Variants in SLC7A4 observed in about 807,000 individuals in gnomAD.
The protein encoded by SLC7A4 is solute carrier family 7 member 4.
In SLC7A4, 30 loss-of-function variants were observed where a neutral mutation model predicts 37.8. That is an observed-to-expected ratio of 0.79 (90% CI 0.59 to 1.08). The LOEUF (loss-of-function observed/expected upper bound fraction) is 1.08. Ranked by LOEUF, SLC7A4 falls within the 50% of genes least tolerant of loss-of-function variation. SLC7A4 has a pLI of 0.00. For missense variants in SLC7A4, 839 were observed against 843.2 expected (o/e 1.00, Z 0.06); for synonymous variants, 359 against 376.5 (o/e 0.95, Z 0.54).
At position 21,028,865 on chromosome 22, in the gene SLC7A4, AC is replaced by A; in HGVS notation, c.*189del. 1.8e-6 allele frequency: 1 copy of A among 567,574 alleles called. No homozygotes were observed. Among genetic ancestry groups the A allele is most frequent in the Admixed American group, 3.1e-5 (1 of 31,864 alleles). 35.2% of individuals were successfully genotyped at this position (567,574 alleles called of 1,614,324 possible). A position where few individuals can be genotyped will look rare whatever the true frequency, so the allele number is the denominator to read the frequency against. On this transcript the variant is annotated 3_prime_UTR_variant, in exon 5 of 5. Coordinates refer to ENST00000382932, the MANE Select transcript of SLC7A4 (RefSeq NM_004173.3). ...TCTGGGCAGAGTCCATGGCACCAGC[AC>A]CAGCCAAGGCCCACTCCTGAAGACC...
rs550292389 is a variant in SLC7A4, at chr22:21,032,226, C to T, written c.-41+305G>A. On this transcript the variant is annotated intron_variant, in intron 1 of 4. Transcript: ENST00000382932. ...AAACCGAGGCTTCCCCAGAGTCGAG[C>T]CGGACCCGGAACAGGAGCCGCGGCT... is the stretch of plus-strand genomic sequence containing the variant. Among the ~76,000 whole-genome samples the T allele has an allele frequency of 5.8e-4, 88 of 152,320 alleles. 2 individuals are homozygous for T. In the South Asian group the frequency reaches 0.017, roughly 30 times the overall value.
At position 21,030,060 on chromosome 22, in the gene SLC7A4, G is replaced by A. The variant is rs1244094016; in HGVS notation, c.1274C>T (p.Pro425Leu). The change falls in exon 3 of 5, where the codon CCA (proline) becomes CTA (leucine). Residue 425 changes from proline (P) to leucine (L), a missense_variant. By Grantham distance (98) the Pro-to-Leu change is moderately conservative (BLOSUM62 -3). Coordinates refer to ENST00000382932, the MANE Select transcript of SLC7A4 (RefSeq NM_004173.3). ...CTTGGTCAGGGGGCCAGGGCTGGCT[G>A]GGCCTGGGGAGCTGGGCGGGGAAGA... Reference protein sequence around the residue: ...QKSSPPSSPGPASPGPLTKQQ... With the variant: ...QKSSPPSSPGLASPGPLTKQQ... The A allele has an allele frequency of 1.9e-6, 3 of 1,611,894 alleles. No individual in the cohort carries two copies. The highest frequency in any genetic ancestry group is 1.7e-5 in the Admixed American group (1 of 59,708).
Position 21,031,409 on chromosome 22 carries a change from C to T in SLC7A4, c.404G>A (p.Arg135His), listed in dbSNP as rs377663916. 3.8e-5 allele frequency: 61 copies of T among 1,602,960 alleles called. No individual in the cohort carries two copies. In the African/African-American group the frequency reaches 4.7e-4, roughly 12 times the overall value. Residue 135 changes from arginine to histidine, a missense_variant, in exon 2 of 5, where the codon CGT becomes CAT. Coordinates refer to ENST00000382932, the MANE Select transcript of SLC7A4 (RefSeq NM_004173.3). Reference protein sequence around the residue: ...EYIIGGAAVARAWSGYLDSMF... With the variant: ...EYIIGGAAVAHAWSGYLDSMF... ...AGAGTCCAGGTAGCCACTCCAGGCA[C>T]GGGCCACGGCGGCGCCACCGATGAT...
rs776183418 is a variant in SLC7A4 at position 21,031,108 on chromosome 22, G to A, written c.705C>T (p.Ser235=). 8.1e-6 allele frequency: 13 copies of A among 1,613,844 alleles called. No individual in the cohort carries two copies. The highest frequency in any genetic ancestry group is 3.3e-5 in the South Asian group (3 of 91,078). ...DEGGFAPFGF[S]GVMAGTASCF... ...AGGAGGCAGTGCCGGCCATGACGCCGGAGAAGCCGAAGGGTGCAAAGCCGC... is the reference window on the plus strand; with the variant it reads ...AGGAGGCAGTGCCGGCCATGACGCCAGAGAAGCCGAAGGGTGCAAAGCCGC... Residue 235 remains serine, a synonymous_variant, in exon 2 of 5, where the codon TCC becomes TCT. Transcript: ENST00000382932.
At chr22:21,029,519 G>A in intron 3 of SLC7A4, 75 bp from the exon 4 acceptor site, 1 of 1,293,364 alleles carries the variant, frequency 7.7e-7, no homozygotes. Flanking sequence ...CACTTTCTCG[G>A]GAATCCATAG....
Position 21,031,153 on chromosome 22 carries a change from G to A in SLC7A4, c.660C>T (p.His220=). 1 of 1,613,742 alleles carries A rather than the reference G, an allele frequency of 6.2e-7. No individual in the cohort carries two copies. The highest frequency in any genetic ancestry group is 8.5e-7 in the Non-Finnish European group (1 of 1,179,824). The part of the protein sequence containing the change: ...VILGFILAQP[H]NWSADEGGFA... ...AGCCGCCTTCGTCAGCGCTCCAGTT[G>A]TGAGGCTGGGCCAGGATGAAGCCCA... Residue 220 remains histidine, a synonymous_variant, in exon 2 of 5, where the codon CAC becomes CAT. Transcript: ENST00000382932.
At chr22:21,030,443 C>G in intron 2 of SLC7A4, 92 bp from the exon 3 acceptor site, 1 of 1,310,242 alleles carries the variant, frequency 7.6e-7, no homozygotes, top group South Asian at 1.4e-5. Context: ...TCCTTGGGAA[C>G]AAGGGCATGA....
At position 21,031,248 on chromosome 22, in the gene SLC7A4, G is replaced by A. The variant is rs375764105; in HGVS notation, c.565C>T (p.Arg189Cys). The change falls in exon 2 of 5, where the codon CGC (arginine) becomes TGC (cysteine). Residue 189 changes from arginine to cysteine, a missense_variant. Coordinates refer to ENST00000382932, the MANE Select transcript of SLC7A4 (RefSeq NM_004173.3). The part of the protein sequence containing the change: ...LASAFVSCGA[R>C]VSSWLNHTFS... ...GTGTGATTGAGCCAGGAGGACACGC[G>A]GGCTCCACAGGAGACAAAGGCAGAG... The A allele has an allele frequency of 1.7e-5, 27 of 1,613,284 alleles. No individual in the cohort carries two copies. The highest frequency in any genetic ancestry group is 1.6e-4 in the Middle Eastern group (1 of 6,062).
chr22:21,032,503 C>G (rs916177300), intron 1 of SLC7A4, 28 bp downstream of exon 1: 2 of 153,604 alleles, frequency 1.3e-5, no homozygotes, highest in Non-Finnish European at 2.9e-5. Context: ...TCCCAGTCCC[C>G]GTCCCCGCAG....
At position 21,029,981 on chromosome 22, in the gene SLC7A4, G is replaced by A. The variant is rs191814001; in HGVS notation, c.1353C>T (p.Ser451=). 1.9e-5 allele frequency: 30 copies of A among 1,613,868 alleles called. No homozygotes were observed. The highest frequency in any genetic ancestry group is 5.5e-5 in the South Asian group (5 of 91,074). The stretch of plus-strand genomic sequence containing the variant: ...GCTTCAGCTCCCCTGGCTCAGGGAC[G>A]GAGGCGTGTACAGTGCCCACCAGCT... ...HLQLVGTVHA[S]VPEPGELKPA... is the part of the protein sequence containing the mutation. The change falls in exon 3 of 5, where the codon TCC becomes TCT. Residue 451 remains serine (S), a synonymous_variant. Transcript: ENST00000382932.
rs763978037 is a variant in SLC7A4 at position 21,031,824 on chromosome 22, G to A, written c.-12C>T. On this transcript the variant is annotated 5_prime_UTR_variant, in exon 2 of 5. Transcript: ENST00000382932. ...AGCCCCCGGGCCATGGCAGGTGGCC[G>A]AGAAGAGCACCGAGCCAGCTACTGG... The A allele has an allele frequency of 2.8e-5, 42 of 1,481,632 alleles. No individual in the cohort carries two copies. The highest frequency in any genetic ancestry group is 3.5e-5 in the Non-Finnish European group (39 of 1,122,592). The allele number at this position is 1,481,632 out of a possible 1,614,324, so 91.8% of individuals were successfully genotyped here.
rs371277224 is a variant in SLC7A4 at position 21,029,743 on chromosome 22, G to A, written c.1591C>T (p.His531Tyr). 224 of 1,612,852 alleles carry A rather than the reference G, an allele frequency of 1.4e-4. No individual in the cohort carries two copies. The highest frequency in any genetic ancestry group is 1.8e-4 in the Non-Finnish European group (218 of 1,179,916). The change falls in exon 3 of 5, where the codon CAC becomes TAC. Residue 531 changes from histidine (H) to tyrosine (Y), a missense_variant. His to Tyr is a moderately conservative substitution (Grantham distance 83). Transcript: ENST00000382932. The stretch of plus-strand genomic sequence containing the variant: ...AAGTCTTCCCGATACTGTTGCTGGT[G>A]AGCCCCCAGGACAAGGAGGCTGAGC... ...FLLSLLVLGA[H>Y]QQQYREDLFQ...
Position 21,031,076 on chromosome 22 carries a change from T to C in SLC7A4, c.737A>G (p.Tyr246Cys), listed in dbSNP as rs746732998. ...GVMAGTASCF[Y>C]AFVGFDVIAA... ...AATGACGTCGAAGCCCACGAAAGCA[T>C]AGAAGCAGGAGGCAGTGCCGGCCAT... Residue 246 changes from tyrosine (Y) to cysteine (C), a missense_variant, in exon 2 of 5, where the codon TAT becomes TGT. By Grantham distance (194) the Tyr-to-Cys change is radical. Coordinates refer to ENST00000382932, the MANE Select transcript of SLC7A4 (RefSeq NM_004173.3). 1.2e-5 allele frequency: 20 copies of C among 1,613,918 alleles called. No individual in the cohort carries two copies. The highest frequency in any genetic ancestry group is 1.6e-4 in the Middle Eastern group (1 of 6,084).
rs1268919746 is a variant in SLC7A4 at position 21,029,174 on chromosome 22, G to A, written c.1789C>T (p.Leu597=). Residue 597 remains leucine (L), a synonymous_variant, in exon 5 of 5, where the codon CTG becomes TTG. Coordinates refer to ENST00000382932, the MANE Select transcript of SLC7A4 (RefSeq NM_004173.3). Reference sequence around the variant, plus strand: ...TAGTGTGTGGAGTTCAGCCCTGGCAGCTCCCGCTGGTTCTCCTTGCTATGC... The same window carrying A: ...TAGTGTGTGGAGTTCAGCCCTGGCAACTCCCGCTGGTTCTCCTTGCTATGC... ...IRHSKENQRE[L]PGLNSTHYVV... is the part of the protein sequence containing the mutation. 1.2e-6 allele frequency: 2 copies of A among 1,613,898 alleles called. No individual in the cohort carries two copies. The highest frequency in any genetic ancestry group is 2.2e-5 in the East Asian group (1 of 44,898).
chr22:21,029,487 A>G (rs781609489), intron 3 of SLC7A4, 43 bp from the exon 4 acceptor site: 16 of 1,463,458 alleles, frequency 1.1e-5, no homozygotes, highest in Non-Finnish European at 1.5e-5. Context: ...GGGCTGCAGG[A>G]AAGATCTGCC....
Position 21,029,036 on chromosome 22 carries a change from GC to G in SLC7A4, c.*18del. Reference sequence around the variant, plus strand: ...TCCCAAGCAGGTGTGGGAGGGCGGGGCAAGTGTGGGCTGATCAGCTACTCCA... The same window carrying G: ...TCCCAAGCAGGTGTGGGAGGGCGGGGAAGTGTGGGCTGATCAGCTACTCCA... On this transcript the variant is annotated 3_prime_UTR_variant, in exon 5 of 5. Coordinates refer to ENST00000382932, the MANE Select transcript of SLC7A4 (RefSeq NM_004173.3). 6.3e-7 allele frequency: 1 copy of G among 1,581,440 alleles called. No homozygotes were observed. Among genetic ancestry groups the G allele is most frequent in the Non-Finnish European group, 8.6e-7 (1 of 1,164,568 alleles).
chr22:21,029,387 G>A lies in SLC7A4; in HGVS notation c.1681C>T (p.Leu561=). Residue 561 remains leucine, a synonymous_variant, in exon 4 of 5, where the codon CTG becomes TTG. Coordinates refer to ENST00000382932, the MANE Select transcript of SLC7A4 (RefSeq NM_004173.3). ...ACCCAGGTCAGATAGCTAAGTTTCA[G>A]CATGAGGCAGATGTTGAGGACGATG... ...LSIVLNICLM[L]KLSYLTWVRF... 6.2e-7 allele frequency: 1 copy of A among 1,613,840 alleles called. No individual in the cohort carries two copies. Among genetic ancestry groups the A allele is most frequent in the Admixed American group, 1.7e-5 (1 of 60,024 alleles).
chr22:21,029,633 TC>T, intron 3 of SLC7A4, 77 bp downstream of exon 3: 1 of 1,480,446 alleles, frequency 6.8e-7, no homozygotes, highest in Non-Finnish European at 9.3e-7. Context: ...TGAGACTTGT[TC>T]ATTCTGGGAT....
chr22:21,031,800 G>GC lies in SLC7A4; in HGVS notation c.12dup (p.Leu5AlafsTer6). 1 of 1,501,010 alleles carries GC rather than the reference G, an allele frequency of 6.7e-7. No individual in the cohort carries two copies. The allele number at this position is 1,501,010 out of a possible 1,614,324, so 93.0% of individuals were successfully genotyped here. ...CGTGCCAGGCTAGCAATGGTGGGCA[G>GC]CCCCCGGGCCATGGCAGGTGGCCGA... On this transcript the variant is annotated frameshift_variant, in exon 2 of 5. Coordinates refer to ENST00000382932, the MANE Select transcript of SLC7A4 (RefSeq NM_004173.3). LOFTEE classifies it high-confidence loss of function.
Sources: allele counts gnomAD v4.1 joint callset (sites outside exome capture counted in the v4.1 genomes callset), GRCh38; gene constraint gnomAD v4.1.1; transcripts MANE v1.5; gene names NCBI Gene and HGNC (gene_info 2026-07-23, HGNC 2026-07-21).